SLC7A8: variants seen among roughly 807,000 people sequenced by gnomAD.
SLC7A8 encodes large neutral amino acids transporter small subunit 2.
SLC7A8 carries 30 observed loss-of-function variants against 51.2 expected under a neutral mutation model. The observed-to-expected ratio is 0.59, with a 90% CI of 0.44 to 0.80. The LOEUF (loss-of-function observed/expected upper bound fraction) is 0.80, where lower values mean the gene tolerates loss of function less well. SLC7A8 is among the 30% of genes least tolerant of loss of function. The probability of loss-of-function intolerance (pLI) is 0.00; values close to 1 mark genes in which losing one functional copy is unlikely to be tolerated. For synonymous variants in SLC7A8, 257 were observed against 275.8 expected, an observed-to-expected ratio of 0.93 and a Z score of 0.67; for missense variants, 612 against 674.4, an observed-to-expected ratio of 0.91 and a Z score of 1.03.
In SLC7A8 at chr14:23,142,281, T is replaced by C. The variant is rs74036921; in HGVS notation, c.634+798A>G. 5.6e-3 allele frequency among the ~76,000 whole-genome samples: 852 copies of C among 152,282 alleles called. 8 individuals carry two copies. Among genetic ancestry groups the C allele is most frequent in the African/African-American group, 0.019 (797 of 41,548 alleles). The stretch of plus-strand genomic sequence containing the variant: ...CCATGGGTCCCATGGAAACCAAATA[T>C]AGCCTCAGGCTTGGAAAGGGCCAAA... On this transcript the variant is annotated intron_variant, in intron 4 of 10. Transcript: ENST00000316902.
At chr14:23,138,240 C>T (rs115150643) in intron 6 of SLC7A8, 6,421 of 547,720 alleles carry the variant, frequency 0.012, 326 homozygotes, top group African/African-American at 0.11. Flanking sequence ...GTAGTACACA[C>T]TGGTAATAAT....
chr14:23,165,744 C>G lies in SLC7A8; in HGVS notation c.357-308G>C, dbSNP rs2048946430. Among the ~76,000 whole-genome samples the G allele has an allele frequency of 6.6e-6, 1 of 152,098 alleles. No homozygotes were observed. Among genetic ancestry groups the G allele is most frequent in the Non-Finnish European group, 1.5e-5 (1 of 68,020 alleles). On this transcript the variant is annotated intron_variant, in intron 2 of 10. Transcript: ENST00000316902. This position sits in a 1 kb window ranked among gnomAD's most constrained non-coding sequence, Gnocchi z 4.2. Reference sequence around the variant, plus strand: ...TGGTGGAAAAACAAAATTTGCAACCCCAGAATGTTGATAGACAGGACATAC... The same window carrying G: ...TGGTGGAAAAACAAAATTTGCAACCGCAGAATGTTGATAGACAGGACATAC...
intron 3 of SLC7A8, among the ~76,000 whole-genome samples, chr14:23,160,064 G>T (rs2048913552): frequency 1.3e-5 from 2 of 152,208 alleles, no homozygotes; most frequent in Admixed American, 1.3e-4. Context: ...AGAGGAAGGA[G>T]GCCAGGAGGG....
intron 1 of SLC7A8, among the ~76,000 whole-genome samples, chr14:23,168,760 C>T (rs1435002595): frequency 2.0e-5 from 3 of 152,270 alleles, no homozygotes; most frequent in East Asian, 1.9e-4. Context: ...ACTAAGGGTT[C>T]GTAGAAAACA....
rs768434267 is a variant in SLC7A8 at position 23,182,788 on chromosome 14, C to G, written c.127G>C (p.Val43Leu). Residue 43 changes from valine (V) to leucine (L), a missense_variant, in exon 1 of 11, where the codon GTC (valine) becomes CTC (leucine). Val to Leu is a conservative substitution (Grantham distance 32). Coordinates refer to ENST00000316902, the MANE Select transcript of SLC7A8 (RefSeq NM_012244.4). ...CCTACGATGATACCACAGGCACTGA[C>G]CAATCCGATCTCTTTCTTCAGGGCT... ...GVALKKEIGL[V>L]SACGIIVGNI... 3.1e-6 allele frequency: 5 copies of G among 1,605,314 alleles called. No individual in the cohort carries two copies. The Admixed American group carries it at 5.1e-5, about 16-fold the overall frequency.
At chr14:23,179,101 T>A (rs1877049895) in intron 1 of SLC7A8, among the ~76,000 whole-genome samples, 1 of 152,050 alleles carries the variant, frequency 6.6e-6, no homozygotes, top group East Asian at 1.9e-4. Context: ...CTAAGAAAAC[T>A]CCCAGAATCA....
chr14:23,154,506 A>C (rs1483075952), intron 3 of SLC7A8: 3 of 980,280 alleles, frequency 3.1e-6, no homozygotes, highest in African/African-American at 1.7e-5. Context: ...CCGCTTGTGG[A>C]AGGAACTGAG....
intron 3 of SLC7A8, chr14:23,154,267 G>A (rs908732527): frequency 2.5e-5 from 25 of 1,000,132 alleles, no homozygotes; most frequent in South Asian, 4.7e-5. Flanking sequence ...ACCTTTTGCT[G>A]GGGCGTTCAC....
At chr14:23,142,154 A>C (rs529964589) in intron 4 of SLC7A8, among the ~76,000 whole-genome samples, 1 of 152,236 alleles carries the variant, frequency 6.6e-6, no homozygotes, top group Admixed American at 6.5e-5. Flanking sequence ...CTGGAGTAGA[A>C]GTCCGGGCTG....
rs111869498 is a variant in SLC7A8, at chr14:23,169,337, G to C, written c.152-2797C>G. ...TGCACCACTGCACTCTAGTGACAGA[G>C]CAAGACCCTGTCTCAAATAAATAAA... On this transcript the variant is annotated intron_variant, in intron 1 of 10. Transcript: ENST00000316902. 1.7e-3 allele frequency among the ~76,000 whole-genome samples: 259 copies of C among 152,216 alleles called. 1 individual carries two copies. Among genetic ancestry groups the C allele is most frequent in the African/African-American group, 6.0e-3 (250 of 41,522 alleles).
intron 1 of SLC7A8, among the ~76,000 whole-genome samples, chr14:23,174,480 G>T (rs910900340): frequency 1.3e-5 from 2 of 152,218 alleles, no homozygotes; most frequent in African/African-American, 4.8e-5. Flanking sequence ...GCAAACCAAT[G>T]GGAAGACATG....
At position 23,165,280 on chromosome 14, in the gene SLC7A8, C is replaced by A. The variant is rs1160072936; in HGVS notation, c.508+5G>T. ...TCTTGCTACCAAGACCCAGATGACA[C>A]TTACATAAGCAGATGGCAGCCAGGA... On this transcript the variant is annotated splice_donor_5th_base_variant and intron_variant, in intron 3 of 10. Coordinates refer to ENST00000316902, the MANE Select transcript of SLC7A8 (RefSeq NM_012244.4). The surrounding 1 kb of genome is among the most constrained non-coding windows in gnomAD (Gnocchi z 4.2). The A allele has an allele frequency of 1.2e-6, 2 of 1,607,542 alleles. No homozygotes were observed. Among genetic ancestry groups the A allele is most frequent in the East Asian group, 2.3e-5 (1 of 43,960 alleles).
chr14:23,139,370 GGCAAGTCTATGTCT>G, intron 6 of SLC7A8, 40 bp downstream of exon 6: 1 of 1,611,914 alleles, frequency 6.2e-7, no homozygotes, highest in Non-Finnish European at 8.5e-7. Context: ...GGCTACAGCA[GGCAAGTCTATGTCT>G]GCATTCCTGG....
At chr14:23,166,306 G>T in intron 2 of SLC7A8, 30 bp downstream of exon 2, 1 of 1,605,562 alleles carries the variant, frequency 6.2e-7, no homozygotes, top group South Asian at 1.1e-5. Context: ...TTTTCCCCTA[G>T]ACCATTCAGG....
intron 3 of SLC7A8, among the ~76,000 whole-genome samples, chr14:23,144,080 T>A (rs1018536882): frequency 6.6e-6 from 1 of 152,248 alleles, no homozygotes; most frequent in Non-Finnish European, 1.5e-5. Context: ...GGGACTATTA[T>A]GAATAGAGTT....
At chr14:23,179,537 C>T (rs914113143) in intron 1 of SLC7A8, among the ~76,000 whole-genome samples, 5 of 151,300 alleles carry the variant, frequency 3.3e-5, no homozygotes, top group East Asian at 1.9e-4. Flanking sequence ...GGGCCGGGCA[C>T]GGTGGCTCAT....
At chr14:23,127,765 AGCCACTGTGCCCAGCCCAGGTT>A (rs1185937223) in intron 10 of SLC7A8, among the ~76,000 whole-genome samples, 10 of 152,220 alleles carry the variant, frequency 6.6e-5, no homozygotes, top group Non-Finnish European at 1.2e-4. Context: ...TACAGGCGTG[AGCCACTGTGCCCAGCCCAGGTT>A]GCCTATTCTT....
chr14:23,171,475 G>A (rs2048974929), intron 1 of SLC7A8, among the ~76,000 whole-genome samples: 3 of 152,080 alleles, frequency 2.0e-5, no homozygotes, highest in African/African-American at 7.2e-5. Flanking sequence ...CTCACATCTA[G>A]GCTTGTCCAC....
At chr14:23,150,018 T>C (rs1258141492) in intron 3 of SLC7A8, among the ~76,000 whole-genome samples, 1 of 152,218 alleles carries the variant, frequency 6.6e-6, no homozygotes, top group African/African-American at 2.4e-5. Flanking sequence ...GACTAAATCA[T>C]CTAAGGATAC....
Sources: gnomAD v4.1 joint callset for allele counts (sites outside exome capture counted in the v4.1 genomes callset) on GRCh38, gnomAD v4.1.1 for gene constraint, Gnocchi (gnomAD v3.1) non-coding constraint, MANE v1.5 for transcripts, NCBI Gene and HGNC (gene_info 2026-07-23, HGNC 2026-07-21) for gene names.